HNRNPC: variants seen among roughly 807,000 people sequenced by gnomAD.
HNRNPC encodes heterogeneous nuclear ribonucleoproteins C1/C2.
In HNRNPC, 3 loss-of-function variants were observed where a neutral mutation model predicts 33.2. That is an observed-to-expected ratio of 0.09 (90% CI 0.04 to 0.23). The LOEUF is 0.23. HNRNPC is among the 10% of genes least tolerant of loss of function. The pLI, the probability that HNRNPC is intolerant of heterozygous loss-of-function variation, is 1.00. For missense variants in HNRNPC, 143 were observed against 366.7 expected (o/e 0.39, Z 4.98); for synonymous variants, 121 against 126.7 (o/e 0.96, Z 0.30).
intron 5 of HNRNPC, among the ~76,000 whole-genome samples, chr14:21,215,872 C>CCTGA (rs1319561102): frequency 1.4e-5 from 2 of 143,340 alleles, no homozygotes; most frequent in African/African-American, 5.3e-5. Context: ...GTACTCCAGC[C>CCTGA]TCAGTGACAG....
intron 3 of HNRNPC, 86 bp downstream of exon 3, chr14:21,233,867 C>A: frequency 6.7e-7 from 1 of 1,485,962 alleles, no homozygotes; most frequent in South Asian, 1.3e-5. Context: ...CTCATGCTGT[C>A]AGTTTTACAG....
At chr14:21,239,749 C>A (rs982901028) in intron 2 of HNRNPC, among the ~76,000 whole-genome samples, 2 of 151,994 alleles carry the variant, frequency 1.3e-5, no homozygotes, top group African/African-American at 4.8e-5. Flanking sequence ...TGGTGGATGC[C>A]TGTAATCCCA....
chr14:21,244,739 G>A (rs1019546570), intron 2 of HNRNPC, among the ~76,000 whole-genome samples: 40 of 152,154 alleles, frequency 2.6e-4, no homozygotes, highest in African/African-American at 8.9e-4. Context: ...AGATAGTGTA[G>A]CCTACCACAC....
intron 5 of HNRNPC, among the ~76,000 whole-genome samples, chr14:21,222,027 C>A: frequency 1.0e-5 from 1 of 95,566 alleles, no homozygotes; most frequent in Admixed American, 1.8e-4. Flanking sequence ...AGTGACAGAG[C>A]AAGACTCCGT....
intron 5 of HNRNPC, among the ~76,000 whole-genome samples, chr14:21,215,347 G>T (rs1566595337): frequency 1.3e-5 from 2 of 152,158 alleles, no homozygotes; most frequent in South Asian, 4.1e-4. Flanking sequence ...AAGAAGCTCA[G>T]TATGACTACT....
intron 1 of HNRNPC, chr14:21,265,255 A>T (rs1878785544): frequency 6.6e-6 from 1 of 152,238 alleles, no homozygotes. Context: ...GTTATGGTGA[A>T]ACATTTCATT....
intron 5 of HNRNPC, among the ~76,000 whole-genome samples, chr14:21,217,786 C>T (rs1297630495): frequency 6.6e-6 from 1 of 152,104 alleles, no homozygotes; most frequent in African/African-American, 2.4e-5. Flanking sequence ...AATGTACATA[C>T]TTATTTTAAG....
intron 5 of HNRNPC, among the ~76,000 whole-genome samples, chr14:21,224,442 C>T (rs1291332449): frequency 2.0e-5 from 3 of 152,092 alleles, no homozygotes; most frequent in African/African-American, 7.2e-5. Flanking sequence ...TGTGAAACCC[C>T]CCTTCATGTA....
chr14:21,230,973 G>A (rs1894051183), intron 4 of HNRNPC, 24 bp downstream of exon 4: 6 of 1,613,866 alleles, frequency 3.7e-6, no homozygotes, highest in Non-Finnish European at 5.1e-6. Flanking sequence ...TAGAGGGGAC[G>A]GAGAAGGGTG....
At chr14:21,247,814 A>G (rs368453997) in intron 2 of HNRNPC, among the ~76,000 whole-genome samples, 49 of 150,212 alleles carry the variant, frequency 3.3e-4, no homozygotes, top group African/African-American at 1.2e-3. Flanking sequence ...ATCTCTACTA[A>G]AAATACAAAA....
intron 4 of HNRNPC, 162 bp downstream of exon 4, chr14:21,230,835 A>T: frequency 2.8e-6 from 2 of 726,910 alleles, no homozygotes. Context: ...ACACAAAAAT[A>T]ATAAAACCTT....
chr14:21,231,700 C>T lies in HNRNPC; in HGVS notation c.242-628G>A, dbSNP rs149021348. ...TCTGTTCTTTACCATTCAAGTGTTCCTGAGACTAACATTAAGTCTGTCTTT... is the reference window on the plus strand; with the variant it reads ...TCTGTTCTTTACCATTCAAGTGTTCTTGAGACTAACATTAAGTCTGTCTTT... On this transcript the variant is annotated intron_variant, in intron 3 of 8. Coordinates refer to ENST00000553300, the MANE Select transcript of HNRNPC (RefSeq NM_004500.4). Among the ~76,000 whole-genome samples, 13 of 152,220 alleles carry T rather than the reference C, an allele frequency of 8.5e-5. No individual in the cohort carries two copies. In the East Asian group the frequency reaches 2.5e-3, roughly 29 times the overall value.
chr14:21,242,391 G>A (rs910416383), intron 2 of HNRNPC, among the ~76,000 whole-genome samples: 1 of 152,206 alleles, frequency 6.6e-6, no homozygotes, highest in African/African-American at 2.4e-5. Flanking sequence ...GACTGAGCTA[G>A]AAGAATCGCT....
At chr14:21,266,042 T>G (rs1234102971) in intron 1 of HNRNPC, among the ~76,000 whole-genome samples, 1 of 152,212 alleles carries the variant, frequency 6.6e-6, no homozygotes, top group Non-Finnish European at 1.5e-5. Flanking sequence ...TGGTGTTGGC[T>G]AACGTTTGAG....
chr14:21,221,307 C>T (rs2139540052), intron 5 of HNRNPC, among the ~76,000 whole-genome samples: 1 of 152,300 alleles, frequency 6.6e-6, no homozygotes, highest in South Asian at 2.1e-4. Context: ...TTATAACTTA[C>T]ACAACTCTAG....
rs140493013 is a variant in HNRNPC at position 21,250,158 on chromosome 14, C to A, written c.-37+13153G>T. Among the ~76,000 whole-genome samples the A allele has an allele frequency of 7.9e-3, 1,205 of 151,724 alleles. 18 individuals are homozygous for A. Among genetic ancestry groups the A allele is most frequent in the African/African-American group, 0.028 (1,148 of 41,314 alleles). ...GTCCAGGCTACTCGGGAGGCCAAGG[C>A]AGGGGAATTGCTGTAACCTGGGAGG... On this transcript the variant is annotated intron_variant, in intron 2 of 8. Coordinates refer to ENST00000553300, the MANE Select transcript of HNRNPC (RefSeq NM_004500.4).
intron 2 of HNRNPC, among the ~76,000 whole-genome samples, chr14:21,253,568 G>C (rs1483948058): frequency 6.7e-6 from 1 of 150,272 alleles, no homozygotes; most frequent in Non-Finnish European, 1.5e-5. Flanking sequence ...AGACAACATT[G>C]TATCAATGTT....
intron 2 of HNRNPC, among the ~76,000 whole-genome samples, chr14:21,239,672 G>A (rs749457849): frequency 2.2e-4 from 33 of 152,104 alleles, no homozygotes; most frequent in African/African-American, 3.9e-4. Flanking sequence ...ACAGGAGTTC[G>A]AGACCAGCCT....
At chr14:21,213,467 CTTA>C (rs1000625065) in intron 5 of HNRNPC, 3 of 191,260 alleles carry the variant, frequency 1.6e-5, no homozygotes, top group East Asian at 1.3e-4. Flanking sequence ...GCCTTTGGAT[CTTA>C]TTATTTTCAA....
Sources: gnomAD v4.1 joint callset for allele counts (sites outside exome capture counted in the v4.1 genomes callset) on GRCh38, gnomAD v4.1.1 for gene constraint, MANE v1.5 for transcripts, NCBI Gene and HGNC (gene_info 2026-07-23, HGNC 2026-07-21) for gene names.